TJP1: variants seen among roughly 807,000 people sequenced by gnomAD.
TJP1 encodes the protein tight junction protein 1.
TJP1 carries 43 observed loss-of-function variants against 194.2 expected under a neutral mutation model. The observed-to-expected ratio is 0.22, with a 90% CI of 0.17 to 0.29. The LOEUF (loss-of-function observed/expected upper bound fraction) is 0.29. Ranked by LOEUF, TJP1 falls within the 10% of genes least tolerant of loss-of-function variation. The pLI is 1.00. For missense variants in TJP1, 1,971 were observed against 2,185.7 expected, an observed-to-expected ratio of 0.90 and a Z score of 1.96; for synonymous variants, 801 against 779.0, an observed-to-expected ratio of 1.03 and a Z score of -0.47.
chr15:29,916,862 T>G (rs754354795), intron 2 of TJP1, among the ~76,000 whole-genome samples: 167 of 152,280 alleles, frequency 1.1e-3, no homozygotes, highest in Non-Finnish European at 1.8e-3. Context: ...TACAAAACAG[T>G]GAGCTGTGAC....
chr15:29,893,428 C>T (rs899949196), intron 2 of TJP1, among the ~76,000 whole-genome samples: 5 of 152,110 alleles, frequency 3.3e-5, no homozygotes, highest in African/African-American at 9.7e-5. Flanking sequence ...GAAGTCCTAC[C>T]GTAGATCAAA....
rs2041507108 is a variant in TJP1 at position 29,700,988 on chromosome 15, G to C, written c.*607C>G. On this transcript the variant is annotated 3_prime_UTR_variant, in exon 28 of 28. Transcript: ENST00000614355. ...TATGGTGAAGTTAGAGATCTGAAGA[G>C]GCCATGGAACCAGTCTCACATGCTT... 1 of 153,030 alleles carries C rather than the reference G, an allele frequency of 6.5e-6. No individual in the cohort carries two copies. The allele number at this position is 153,030 out of a possible 1,614,324, so 9.5% of individuals were successfully genotyped here.
intron 2 of TJP1, among the ~76,000 whole-genome samples, chr15:29,844,707 G>A (rs2051345864): frequency 6.6e-6 from 1 of 152,146 alleles, no homozygotes; most frequent in African/African-American, 2.4e-5. Context: ...CAAGTTTGGG[G>A]CACGTTATAT....
intron 8 of TJP1, among the ~76,000 whole-genome samples, chr15:29,757,690 C>CT (rs1315979257): frequency 6.6e-6 from 1 of 152,146 alleles, no homozygotes; most frequent in African/African-American, 2.4e-5. Flanking sequence ...TGAAAAGAAC[C>CT]TGAAGAGATT....
At chr15:29,746,346 C>T (rs971232763) in intron 8 of TJP1, among the ~76,000 whole-genome samples, 13 of 151,830 alleles carry the variant, frequency 8.6e-5, no homozygotes, top group Non-Finnish European at 1.9e-4. Context: ...CCACTGCACT[C>T]CAGCCTGGAC....
Position 29,719,909 on chromosome 15 carries a change from C to A in TJP1, c.2871G>T (p.Glu957Asp). 1 of 1,614,122 alleles carries A rather than the reference C, an allele frequency of 6.2e-7. No individual in the cohort carries two copies. Among genetic ancestry groups the A allele is most frequent in the Non-Finnish European group, 8.5e-7 (1 of 1,180,022 alleles). ...AGGTGGAAGGAGCTGGGGTGGGCTC[C>A]TCCAGTCTGACATTAGTTAAATTTA... ...HNVNLTNVRL[E>D]EPTPAPSTSY... Residue 957 changes from glutamate to aspartate, a missense_variant, in exon 20 of 28, where the codon GAG becomes GAT. By Grantham distance (45) the Glu-to-Asp change is conservative. This residue lies in a region of TJP1 where 1,108 missense variants were observed against 1,128.5 expected (regional missense o/e 0.98). Transcript: ENST00000614355.
intron 4 of TJP1, among the ~76,000 whole-genome samples, chr15:29,769,557 A>AAT (rs1221890463): frequency 1.3e-5 from 2 of 152,172 alleles, no homozygotes; most frequent in Non-Finnish European, 2.9e-5. Flanking sequence ...GGGTTGGATA[A>AAT]ATATATATGC....
intron 23 of TJP1, among the ~76,000 whole-genome samples, chr15:29,711,798 CCATA>C (rs754511292): frequency 8.9e-4 from 136 of 152,168 alleles, no homozygotes; most frequent in South Asian, 1.7e-3. Context: ...GTCTTTTGGC[CCATA>C]CAGTCTTTGT....
chr15:29,764,651 C>T (rs1047680030), intron 5 of TJP1, among the ~76,000 whole-genome samples: 1 of 152,058 alleles, frequency 6.6e-6, no homozygotes, highest in African/African-American at 2.4e-5. Context: ...AAAGAGAAGG[C>T]AAGGGTAACT....
At chr15:29,897,246 G>A (rs59250592) in intron 2 of TJP1, among the ~76,000 whole-genome samples, 2,647 of 152,292 alleles carry the variant, frequency 0.017, 133 homozygotes, top group East Asian at 0.12. Flanking sequence ...AAGGGCCTAA[G>A]GTACGGTTCA....
intron 1 of TJP1, among the ~76,000 whole-genome samples, chr15:29,819,747 A>ATTG (rs2050195883): frequency 6.6e-6 from 1 of 152,202 alleles, no homozygotes; most frequent in African/African-American, 2.4e-5. Flanking sequence ...CAGAAAATAC[A>ATTG]TTGTTTCATC....
At chr15:29,857,475 T>C (rs1011422210) in intron 2 of TJP1, among the ~76,000 whole-genome samples, 3 of 152,184 alleles carry the variant, frequency 2.0e-5, no homozygotes, top group African/African-American at 7.2e-5. Flanking sequence ...TCTCTTATAT[T>C]ACGTGGATCG....
chr15:29,801,623 G>A (rs916380949), intron 1 of TJP1, among the ~76,000 whole-genome samples: 16 of 151,136 alleles, frequency 1.1e-4, no homozygotes, highest in South Asian at 2.1e-4. Flanking sequence ...CACTACGCCC[G>A]GCTAATTTTT....
intron 18 of TJP1, among the ~76,000 whole-genome samples, chr15:29,725,676 G>C (rs1427778971): frequency 6.6e-6 from 1 of 151,998 alleles, no homozygotes; most frequent in Non-Finnish European, 1.5e-5. Flanking sequence ...TATAAAACCA[G>C]AAAGACTGAC....
At chr15:29,936,573 A>C (rs1330171541) in intron 2 of TJP1, among the ~76,000 whole-genome samples, 1 of 152,132 alleles carries the variant, frequency 6.6e-6, no homozygotes, top group Non-Finnish European at 1.5e-5. Context: ...CTGATTGCTC[A>C]ACTCTTGGCT....
intron 1 of TJP1, among the ~76,000 whole-genome samples, chr15:29,965,496 G>C (rs1038667476): frequency 6.6e-6 from 1 of 152,134 alleles, no homozygotes; most frequent in Non-Finnish European, 1.5e-5. Context: ...ACAGGTATGA[G>C]CCACCACGTC....
downstream of TJP1, chr15:29,700,071 G>T (rs571478099): frequency 2.6e-6 from 1 of 387,020 alleles, no homozygotes; most frequent in East Asian, 3.6e-5. Flanking sequence ...GGGTGATAGG[G>T]ATTTGTGTGC....
At chr15:29,912,889 A>G (rs909100456) in intron 2 of TJP1, among the ~76,000 whole-genome samples, 1 of 152,142 alleles carries the variant, frequency 6.6e-6, no homozygotes, top group Non-Finnish European at 1.5e-5. Flanking sequence ...AAGCAGCTGA[A>G]TATCAGTAAT....
At chr15:29,712,796 T>G (rs2042319378) in intron 23 of TJP1, among the ~76,000 whole-genome samples, 6 of 133,836 alleles carry the variant, frequency 4.5e-5, no homozygotes, top group Admixed American at 7.9e-5. Context: ...TAAGTGGGAG[T>G]GACATGTCCC....
Sources: gnomAD v4.1 joint callset for allele counts (sites outside exome capture counted in the v4.1 genomes callset) on GRCh38, gnomAD v4.1.1 for gene constraint, gnomAD v4.1.1 regional missense constraint, MANE v1.5 for transcripts, NCBI Gene and HGNC (gene_info 2026-07-23, HGNC 2026-07-21) for gene names.